ELOVL7: variants seen among roughly 807,000 people sequenced by gnomAD.
The protein encoded by ELOVL7 is ELOVL fatty acid elongase 7, also known as very long chain fatty acid elongase 7.
In ELOVL7, 27 loss-of-function variants were observed where a neutral mutation model predicts 35.7. The ratio of observed to expected loss-of-function variants is 0.76; its 90% CI spans 0.56 to 1.04. ELOVL7 has a LOEUF of 1.04. Among genes scored for constraint, ELOVL7 ranks in the 50% least tolerant of loss-of-function variants. The pLI is 0.00. For synonymous variants in ELOVL7, 113 were observed against 114.6 expected (o/e 0.99, Z 0.09); for missense variants, 327 against 340.8 (o/e 0.96, Z 0.32).
chr5:60,843,778 G>C (rs1413878253), intron 1 of ELOVL7, among the ~76,000 whole-genome samples: 1 of 152,040 alleles, frequency 6.6e-6, no homozygotes, highest in Non-Finnish European at 1.5e-5. Context: ...GGCCAGCGCC[G>C]CGCGGGACCC....
intron 1 of ELOVL7, among the ~76,000 whole-genome samples, chr5:60,815,276 T>C (rs1352786209): frequency 6.6e-6 from 1 of 152,188 alleles, no homozygotes; most frequent in Non-Finnish European, 1.5e-5. Context: ...TATGGGAACA[T>C]AAAACTATGG....
At chr5:60,829,123 A>G (rs912580756) in intron 1 of ELOVL7, among the ~76,000 whole-genome samples, 1 of 152,194 alleles carries the variant, frequency 6.6e-6, no homozygotes, top group African/African-American at 2.4e-5. Context: ...AGAAAGAAAT[A>G]AAATGTTCAT....
At chr5:60,839,926 G>C (rs1747062541) in intron 1 of ELOVL7, among the ~76,000 whole-genome samples, 1 of 152,048 alleles carries the variant, frequency 6.6e-6, no homozygotes, top group Non-Finnish European at 1.5e-5. Context: ...GCTTGAGTCT[G>C]GGGATTGAGG....
chr5:60,801,136 C>T lies in ELOVL7; in HGVS notation c.-85-1906G>A, dbSNP rs572463407. ...GAGATGGGTGTCTTACTATGTTGCCCGGGCTGGTCTCAAACTCCTGAGCTC... is the reference window on the plus strand; with the variant it reads ...GAGATGGGTGTCTTACTATGTTGCCTGGGCTGGTCTCAAACTCCTGAGCTC... On this transcript the variant is annotated intron_variant, in intron 1 of 8. Transcript: ENST00000508821. Among the ~76,000 whole-genome samples, 16 of 152,024 alleles carry T rather than the reference C, an allele frequency of 1.1e-4. No homozygotes were observed. In the South Asian group the frequency reaches 2.7e-3, roughly 26 times the overall value.
At chr5:60,797,605 C>A (rs1266809384) in intron 2 of ELOVL7, among the ~76,000 whole-genome samples, 1 of 152,068 alleles carries the variant, frequency 6.6e-6, no homozygotes, top group East Asian at 1.9e-4. Flanking sequence ...GGTAATAAGC[C>A]CTGAGGAAGT....
At chr5:60,814,048 C>T (rs575572526) in intron 1 of ELOVL7, among the ~76,000 whole-genome samples, 2 of 152,248 alleles carry the variant, frequency 1.3e-5, no homozygotes, top group Non-Finnish European at 2.9e-5. Context: ...AGCAAGGTGG[C>T]AACAAGAACG....
intron 1 of ELOVL7, among the ~76,000 whole-genome samples, chr5:60,832,707 C>T (rs1746553957): frequency 6.6e-6 from 1 of 152,006 alleles, no homozygotes; most frequent in Non-Finnish European, 1.5e-5. Flanking sequence ...GCAATGTGCA[C>T]TAACTCTCCA....
In ELOVL7 at chr5:60,754,842, T is replaced by C. The variant is rs367629382; in HGVS notation, c.637-9A>G. The C allele has an allele frequency of 1.6e-5, 25 of 1,608,670 alleles. No individual in the cohort carries two copies. Among genetic ancestry groups the C allele is most frequent in the Non-Finnish European group, 1.9e-5 (22 of 1,176,614 alleles). ...ACAATAACAAACTGGACCTAAGAAA[T>C]GAAAACGTGAAAAAAAATTATTCAG... On this transcript the variant is annotated splice_polypyrimidine_tract_variant and intron_variant, in intron 8 of 8. Transcript: ENST00000508821.
intron 1 of ELOVL7, among the ~76,000 whole-genome samples, chr5:60,815,375 A>G (rs969376408): frequency 1.3e-5 from 2 of 152,258 alleles, no homozygotes; most frequent in African/African-American, 4.8e-5. Flanking sequence ...TACTACTTAC[A>G]CTCAGGTAAT....
At chr5:60,774,175 C>T (rs1742767140) in intron 3 of ELOVL7, among the ~76,000 whole-genome samples, 1 of 152,142 alleles carries the variant, frequency 6.6e-6, no homozygotes, top group African/African-American at 2.4e-5. Context: ...GGCAAAGACA[C>T]ACCAACAACA....
intron 3 of ELOVL7, among the ~76,000 whole-genome samples, chr5:60,783,778 T>A (rs1312137108): frequency 1.3e-5 from 2 of 152,198 alleles, no homozygotes; most frequent in African/African-American, 4.8e-5. Flanking sequence ...CATAAAAGGA[T>A]GACCCCTAAA....
At chr5:60,843,453 T>C (rs1747305798) in intron 1 of ELOVL7, 1 of 151,994 alleles carries the variant, frequency 6.6e-6, no homozygotes, top group African/African-American at 2.4e-5. Context: ...CTTTCCTGTT[T>C]CCATCTCCGG....
chr5:60,797,993 G>A (rs1318569693), intron 2 of ELOVL7, among the ~76,000 whole-genome samples: 1 of 152,172 alleles, frequency 6.6e-6, no homozygotes, highest in African/African-American at 2.4e-5. Context: ...CTGTGACCTG[G>A]AAGCCCCCTC....
intron 3 of ELOVL7, among the ~76,000 whole-genome samples, chr5:60,777,233 T>C (rs953049874): frequency 6.6e-6 from 1 of 152,092 alleles, no homozygotes; most frequent in African/African-American, 2.4e-5. Flanking sequence ...TTTTAAAATA[T>C]AATTGGATTA....
chr5:60,756,829 A>T lies in ELOVL7; in HGVS notation c.636+680T>A, dbSNP rs562695856. ...AAATGTGGAAATGCAAGGGTGGCAGATTTCTCCTTTTAATAGACACCAATA... is the reference window on the plus strand; with the variant it reads ...AAATGTGGAAATGCAAGGGTGGCAGTTTTCTCCTTTTAATAGACACCAATA... On this transcript the variant is annotated intron_variant, in intron 8 of 8. Coordinates refer to ENST00000508821, the MANE Select transcript of ELOVL7 (RefSeq NM_024930.3). Among the ~76,000 whole-genome samples the T allele has an allele frequency of 2.6e-4, 39 of 152,270 alleles. 1 individual carries two copies. In the South Asian group the frequency reaches 8.1e-3, roughly 32 times the overall value.
intron 2 of ELOVL7, among the ~76,000 whole-genome samples, chr5:60,793,262 T>C (rs1401318906): frequency 6.6e-6 from 1 of 152,134 alleles, no homozygotes; most frequent in Non-Finnish European, 1.5e-5. Flanking sequence ...GAACATGCAA[T>C]TTCTCAAAGG....
intron 1 of ELOVL7, among the ~76,000 whole-genome samples, chr5:60,830,609 CTTTTTTTTT>C (rs55973952): frequency 7.8e-6 from 1 of 127,420 alleles, no homozygotes; most frequent in South Asian, 2.6e-4. Context: ...TTCTTTCTTT[CTTTTTTTTT>C]TTTTTTGGTA....
chr5:60,768,152 G>T (rs1158657572), intron 4 of ELOVL7, among the ~76,000 whole-genome samples: 1 of 152,144 alleles, frequency 6.6e-6, no homozygotes, highest in Non-Finnish European at 1.5e-5. Flanking sequence ...CATCTCTTGG[G>T]ATGATTATTC....
intron 7 of ELOVL7, among the ~76,000 whole-genome samples, chr5:60,759,905 T>C (rs1306809148): frequency 6.6e-6 from 1 of 152,136 alleles, no homozygotes; most frequent in Non-Finnish European, 1.5e-5. Context: ...TTTTTGTTCT[T>C]GCAATAGTTT....
Sources: allele counts gnomAD v4.1 joint callset (sites outside exome capture counted in the v4.1 genomes callset), GRCh38; gene constraint gnomAD v4.1.1; transcripts MANE v1.5; gene names NCBI Gene and HGNC (gene_info 2026-07-23, HGNC 2026-07-21).